GRID1: variants seen among roughly 807,000 people sequenced by gnomAD.
GRID1 encodes glutamate receptor ionotropic, delta-1.
Under a neutral mutation model 98.0 loss-of-function variants are expected in GRID1, and 28 were observed. The ratio of observed to expected loss-of-function variants is 0.29; its 90% CI spans 0.21 to 0.39. The LOEUF (loss-of-function observed/expected upper bound fraction) is 0.39, where lower values mean the gene tolerates loss of function less well. Among genes scored for constraint, GRID1 ranks in the 10% least tolerant of loss-of-function variants. The pLI is 1.00. For missense variants in GRID1, 1,111 were observed against 1,340.5 expected, an observed-to-expected ratio of 0.83 and a Z score of 2.67; for synonymous variants, 553 against 538.5, an observed-to-expected ratio of 1.03 and a Z score of -0.37.
intron 6 of GRID1, among the ~76,000 whole-genome samples, chr10:85,857,608 C>A (rs1050621031): frequency 6.6e-6 from 1 of 152,154 alleles, no homozygotes; most frequent in Admixed American, 6.5e-5. Context: ...GTTTGTGGCC[C>A]CCCACTGATA....
chr10:86,181,029 C>A (rs1845647976), intron 3 of GRID1, among the ~76,000 whole-genome samples: 1 of 152,178 alleles, frequency 6.6e-6, no homozygotes, highest in African/African-American at 2.4e-5. Context: ...GGCTGAACCT[C>A]CCCCGAACAC....
intron 2 of GRID1, among the ~76,000 whole-genome samples, chr10:86,299,465 T>C (rs1169492824): frequency 3.3e-5 from 5 of 151,990 alleles, no homozygotes; most frequent in East Asian, 3.9e-4. Context: ...GTATATCTCC[T>C]AATGCTATCC....
intron 5 of GRID1, among the ~76,000 whole-genome samples, chr10:85,910,949 G>A (rs547923684): frequency 1.2e-3 from 181 of 152,226 alleles, no homozygotes; most frequent in African/African-American, 4.3e-3. Flanking sequence ...ATGGCAGGTG[G>A]AAAGAAAAAC....
intron 4 of GRID1, among the ~76,000 whole-genome samples, chr10:85,995,071 G>C (rs1412130341): frequency 6.6e-6 from 1 of 152,120 alleles, no homozygotes; most frequent in East Asian, 1.9e-4. Context: ...TAGACTTGCG[G>C]ATTTTTATGT....
At chr10:85,813,613 C>T (rs1038044306) in intron 8 of GRID1, among the ~76,000 whole-genome samples, 3 of 151,742 alleles carry the variant, frequency 2.0e-5, no homozygotes, top group African/African-American at 7.3e-5. Context: ...TTAAAATTTG[C>T]TTTAAAACAT....
intron 8 of GRID1, among the ~76,000 whole-genome samples, chr10:85,810,250 C>T (rs1367370922): frequency 2.6e-5 from 4 of 152,028 alleles, no homozygotes; most frequent in African/African-American, 7.3e-5. Flanking sequence ...GGCCTCCAAC[C>T]ATGGGATTCC....
chr10:86,356,635 G>C (rs1236531153), intron 2 of GRID1, among the ~76,000 whole-genome samples: 1 of 152,254 alleles, frequency 6.6e-6, no homozygotes, highest in Non-Finnish European at 1.5e-5. Context: ...CACAGCAGGA[G>C]GAGGAAATAC....
chr10:86,213,589 C>T (rs2999845), intron 2 of GRID1, among the ~76,000 whole-genome samples: 52,427 of 151,828 alleles, frequency 0.35, 9,202 homozygotes, highest in East Asian at 0.5. Flanking sequence ...CTGGCCTTTT[C>T]CCACACCCAG....
intron 3 of GRID1, among the ~76,000 whole-genome samples, chr10:86,141,210 C>T (rs1033720972): frequency 6.6e-6 from 1 of 152,170 alleles, no homozygotes; most frequent in African/African-American, 2.4e-5. Flanking sequence ...CCCCAGTGCT[C>T]CAGGCCCCCA....
At chr10:85,714,865 A>C (rs1401698673) in intron 12 of GRID1, among the ~76,000 whole-genome samples, 2 of 152,118 alleles carry the variant, frequency 1.3e-5, no homozygotes, top group African/African-American at 4.8e-5. Context: ...AATACCAATG[A>C]CATTCTTCAC....
chr10:85,675,837 A>C (rs1841138845), intron 12 of GRID1, among the ~76,000 whole-genome samples: 1 of 152,152 alleles, frequency 6.6e-6, no homozygotes, highest in Non-Finnish European at 1.5e-5. Flanking sequence ...TTGACAGATT[A>C]GGCAAAGTCA....
Position 85,773,696 on chromosome 10 carries a change from C to T in GRID1, c.1234-44082G>A, listed in dbSNP as rs565262270. Among the ~76,000 whole-genome samples the T allele has an allele frequency of 4.1e-4, 63 of 152,180 alleles. 1 individual carries two copies. Among genetic ancestry groups the T allele is most frequent in the Middle Eastern group, 6.8e-3 (2 of 294 alleles). ...ATACCAATAACAGGCAAACAGAGAG[C>T]CAAATCATGAGTGAACTCTCATTTA... On this transcript the variant is annotated intron_variant, in intron 8 of 15. Transcript: ENST00000327946.
At chr10:85,866,081 G>A (rs1226952569) in intron 6 of GRID1, among the ~76,000 whole-genome samples, 1 of 149,540 alleles carries the variant, frequency 6.7e-6, no homozygotes, top group Admixed American at 6.7e-5. Context: ...GGTCTTCAAT[G>A]AGCAGGGTCT....
At chr10:86,065,689 T>C (rs1564664375) in intron 4 of GRID1, among the ~76,000 whole-genome samples, 1 of 152,374 alleles carries the variant, frequency 6.6e-6, no homozygotes, top group Non-Finnish European at 1.5e-5. Context: ...TGATTATTTA[T>C]ACCCCTCTAA....
At chr10:85,653,207 C>T (rs996865871) in intron 12 of GRID1, among the ~76,000 whole-genome samples, 5 of 152,170 alleles carry the variant, frequency 3.3e-5, no homozygotes, top group African/African-American at 7.2e-5. Context: ...TGTGGGGCAT[C>T]GTCAGCTGAC....
At chr10:85,620,889 T>C (rs982934496) in intron 13 of GRID1, among the ~76,000 whole-genome samples, 2 of 152,180 alleles carry the variant, frequency 1.3e-5, no homozygotes, top group Non-Finnish European at 1.5e-5. Flanking sequence ...CACATAAACA[T>C]ATATATGCAC....
Position 85,771,419 on chromosome 10 carries a change from G to A in GRID1, c.1234-41805C>T, listed in dbSNP as rs371375361. The stretch of plus-strand genomic sequence containing the variant: ...CTAGGAAGAAACTGCATCAACTAAC[G>A]AGCAAAATAACCAGCTAACATCATA... On this transcript the variant is annotated intron_variant, in intron 8 of 15. Transcript: ENST00000327946. Among the ~76,000 whole-genome samples, 43 of 152,084 alleles carry A rather than the reference G, an allele frequency of 2.8e-4. No homozygotes were observed. In the East Asian group the frequency reaches 7.9e-3, roughly 28 times the overall value.
At chr10:86,149,959 T>C (rs991892831) in intron 3 of GRID1, among the ~76,000 whole-genome samples, 9 of 152,236 alleles carry the variant, frequency 5.9e-5, no homozygotes, top group African/African-American at 2.2e-4. Flanking sequence ...CTAAGTGAGA[T>C]CATATTTTTA....
chr10:86,200,830 A>G (rs113859989), intron 3 of GRID1, among the ~76,000 whole-genome samples: 8 of 152,344 alleles, frequency 5.3e-5, no homozygotes, highest in African/African-American at 1.7e-4. Flanking sequence ...GTGAAAAGAT[A>G]CCCAACCTCA....
Sources: gnomAD v4.1 joint callset for allele counts (sites outside exome capture counted in the v4.1 genomes callset) on GRCh38, gnomAD v4.1.1 for gene constraint, MANE v1.5 for transcripts, NCBI Gene and HGNC (gene_info 2026-07-23, HGNC 2026-07-21) for gene names.